MAN1A1: variants seen among roughly 807,000 people sequenced by gnomAD.
MAN1A1 encodes mannosyl-oligosaccharide 1,2-alpha-mannosidase IA.
In MAN1A1, 29 loss-of-function variants were observed where a neutral mutation model predicts 70.8. The ratio of observed to expected loss-of-function variants is 0.41; its 90% CI spans 0.31 to 0.56. The LOEUF is 0.56. MAN1A1 is among the 20% of genes least tolerant of loss of function. The pLI is 0.29. For missense variants in MAN1A1, 747 were observed against 841.3 expected (o/e 0.89, Z 1.39); for synonymous variants, 349 against 330.1 (o/e 1.06, Z -0.62).
At chr6:119,294,375 T>C (rs1277214938) in intron 4 of MAN1A1, among the ~76,000 whole-genome samples, 4 of 152,092 alleles carry the variant, frequency 2.6e-5, no homozygotes, top group Non-Finnish European at 4.4e-5. Context: ...GAGGGGGTAT[T>C]TGCAGCAGGG....
rs531663677 is a variant in MAN1A1, at chr6:119,319,593, C to T, written c.604-12601G>A. 1.2e-3 allele frequency among the ~76,000 whole-genome samples: 190 copies of T among 152,158 alleles called. 1 individual carries two copies. The highest frequency in any genetic ancestry group is 4.5e-3 in the African/African-American group (187 of 41,506). On this transcript the variant is annotated intron_variant, in intron 2 of 12. Transcript: ENST00000368468. Reference sequence around the variant, plus strand: ...TAAATTTAGGAAGTAAAAGAAATGTCAAGTTTGTCAGCAGAGGTGAAATTG... The same window carrying T: ...TAAATTTAGGAAGTAAAAGAAATGTTAAGTTTGTCAGCAGAGGTGAAATTG...
At chr6:119,313,987 T>A (rs76729518) in intron 2 of MAN1A1, among the ~76,000 whole-genome samples, 2 of 149,048 alleles carry the variant, frequency 1.3e-5, no homozygotes, top group Non-Finnish European at 3.0e-5. Flanking sequence ...AAAAAAAAAA[T>A]CCGTGAGCCA....
chr6:119,338,579 T>G (rs956714877), intron 2 of MAN1A1, among the ~76,000 whole-genome samples: 1 of 152,240 alleles, frequency 6.6e-6, no homozygotes, highest in Non-Finnish European at 1.5e-5. Flanking sequence ...ATCATTAAAA[T>G]CACTTCTGAA....
At chr6:119,232,929 T>C (rs1015153126) in intron 6 of MAN1A1, among the ~76,000 whole-genome samples, 3 of 152,134 alleles carry the variant, frequency 2.0e-5, no homozygotes, top group African/African-American at 4.8e-5. Flanking sequence ...TTAGAAAAAC[T>C]TGAAAAGCAA....
intron 2 of MAN1A1, among the ~76,000 whole-genome samples, chr6:119,324,412 G>T (rs77480391): frequency 1.3e-5 from 2 of 150,148 alleles, no homozygotes; most frequent in Non-Finnish European, 2.9e-5. Context: ...AGTTAAGTTT[G>T]GGGGGGAATC....
chr6:119,329,441 T>A (rs1773243692), intron 2 of MAN1A1, among the ~76,000 whole-genome samples: 1 of 146,966 alleles, frequency 6.8e-6, no homozygotes, highest in African/African-American at 2.6e-5. Flanking sequence ...AGAGATTCCT[T>A]TTTATAATAA....
At chr6:119,315,499 G>A (rs1772827248) in intron 2 of MAN1A1, among the ~76,000 whole-genome samples, 1 of 152,100 alleles carries the variant, frequency 6.6e-6, no homozygotes, top group South Asian at 2.1e-4. Context: ...TAAAAAAATT[G>A]GATCATATGC....
intron 6 of MAN1A1, among the ~76,000 whole-genome samples, chr6:119,233,714 C>T (rs1036440053): frequency 2.0e-5 from 3 of 152,142 alleles, no homozygotes; most frequent in Admixed American, 6.5e-5. Context: ...GCTCCCATCC[C>T]TTGGTGCTTC....
At chr6:119,307,921 C>T (rs762953116) in intron 2 of MAN1A1, among the ~76,000 whole-genome samples, 5 of 152,132 alleles carry the variant, frequency 3.3e-5, no homozygotes, top group African/African-American at 9.7e-5. Flanking sequence ...TCATTGAGAT[C>T]AGTATCATTT....
At chr6:119,296,096 T>C (rs1772209410) in intron 4 of MAN1A1, among the ~76,000 whole-genome samples, 1 of 152,208 alleles carries the variant, frequency 6.6e-6, no homozygotes, top group African/African-American at 2.4e-5. Context: ...ATTAAAAGTA[T>C]ACAACTCCTT....
intron 5 of MAN1A1, chr6:119,269,199 G>T: frequency 4.5e-6 from 1 of 223,064 alleles, no homozygotes; most frequent in South Asian, 4.6e-5. Flanking sequence ...ATTCTTTTGG[G>T]CCTGTTTACA....
intron 5 of MAN1A1, among the ~76,000 whole-genome samples, chr6:119,266,978 T>C (rs1004616630): frequency 7.9e-5 from 12 of 152,208 alleles, no homozygotes; most frequent in Admixed American, 5.2e-4. Flanking sequence ...AATAAGTATA[T>C]GGAAAGATGT....
intron 11 of MAN1A1, among the ~76,000 whole-genome samples, chr6:119,181,452 T>G (rs1390946882): frequency 2.4e-4 from 1 of 4,096 alleles, no homozygotes; most frequent in East Asian, 5.1e-3. Flanking sequence ...AAAATACATG[T>G]TTTTTTTTTT....
intron 5 of MAN1A1, among the ~76,000 whole-genome samples, chr6:119,274,346 G>C (rs17080933): frequency 0.029 from 4,428 of 152,210 alleles, 88 homozygotes; most frequent in South Asian, 0.073. Flanking sequence ...ACAGTCTAGA[G>C]AAATTCATTA....
intron 2 of MAN1A1, among the ~76,000 whole-genome samples, chr6:119,332,933 A>T (rs528002888): frequency 6.6e-6 from 1 of 152,270 alleles, no homozygotes; most frequent in South Asian, 2.1e-4. Flanking sequence ...ACAGACACTT[A>T]TGGCTACTAA....
At chr6:119,261,307 G>GCA (rs1775608695) in intron 5 of MAN1A1, among the ~76,000 whole-genome samples, 1 of 152,036 alleles carries the variant, frequency 6.6e-6, no homozygotes. Context: ...TTGCACACAC[G>GCA]CACATATTTC....
At chr6:119,215,149 T>C (rs897314733) in intron 6 of MAN1A1, among the ~76,000 whole-genome samples, 1 of 151,116 alleles carries the variant, frequency 6.6e-6, no homozygotes, top group South Asian at 2.1e-4. Flanking sequence ...TGTATACATA[T>C]GTAACAAACC....
chr6:119,249,042 T>C (rs1339829522), intron 5 of MAN1A1, among the ~76,000 whole-genome samples: 3 of 152,212 alleles, frequency 2.0e-5, no homozygotes, highest in African/African-American at 7.2e-5. Context: ...TGAGACTGTA[T>C]GCTGGAGATG....
chr6:119,232,266 G>A lies in MAN1A1; in HGVS notation c.992+15994C>T, dbSNP rs749586808. Reference sequence around the variant, plus strand: ...TGGGCACCTGTAGTCCCAGCTACTCGGGAGGCTGAGGCAAGAGAATGGAGT... The same window carrying A: ...TGGGCACCTGTAGTCCCAGCTACTCAGGAGGCTGAGGCAAGAGAATGGAGT... On this transcript the variant is annotated intron_variant, in intron 6 of 12. Transcript: ENST00000368468. Among the ~76,000 whole-genome samples the A allele has an allele frequency of 2.4e-4, 37 of 151,680 alleles. 1 individual carries two copies. The highest frequency in any genetic ancestry group is 1.3e-4 in the Admixed American group (2 of 15,210).
Sources: gnomAD v4.1 joint callset for allele counts (sites outside exome capture counted in the v4.1 genomes callset) on GRCh38, gnomAD v4.1.1 for gene constraint, MANE v1.5 for transcripts, NCBI Gene and HGNC (gene_info 2026-07-23, HGNC 2026-07-21) for gene names.